The following FAM3C variants were observed in gnomAD, a reference collection of about 807,000 sequenced individuals.
FAM3C encodes FAM3 metabolism regulating signaling molecule C.
FAM3C carries 15 observed loss-of-function variants against 32.5 expected under a neutral mutation model. That is an observed-to-expected ratio of 0.46 (90% CI 0.31 to 0.71). The LOEUF (loss-of-function observed/expected upper bound fraction) is 0.71. FAM3C is among the 30% of genes least tolerant of loss of function. The pLI, the probability that FAM3C is intolerant of heterozygous loss-of-function variation, is 0.05. For missense variants in FAM3C, 175 were observed against 274.4 expected, an observed-to-expected ratio of 0.64 and a Z score of 2.56; for synonymous variants, 75 against 86.1, an observed-to-expected ratio of 0.87 and a Z score of 0.72.
At position 121,382,991 on chromosome 7, in the gene FAM3C, C is replaced by A. The variant is rs577300415; in HGVS notation, c.-22G>T. 7 of 1,593,030 alleles carry A rather than the reference C, an allele frequency of 4.4e-6. No individual in the cohort carries two copies. In the Admixed American group the frequency reaches 1.2e-4, roughly 27 times the overall value. On this transcript the variant is annotated 5_prime_UTR_variant, in exon 2 of 10. Coordinates refer to ENST00000359943, the MANE Select transcript of FAM3C (RefSeq NM_014888.3). The stretch of plus-strand genomic sequence containing the variant: ...TCATGTTTGGTTTTTCAGTTTATGG[C>A]ACTTTTCATTAATATGCTCCTAAAA...
chr7:121,370,835 T>C (rs1321887476), intron 5 of FAM3C, among the ~76,000 whole-genome samples: 1 of 152,230 alleles, frequency 6.6e-6, no homozygotes, highest in African/African-American at 2.4e-5. Flanking sequence ...GCAAATAGGA[T>C]TTCTGCCACG....
chr7:121,386,640 T>C (rs934969642), intron 1 of FAM3C, among the ~76,000 whole-genome samples: 1 of 151,618 alleles, frequency 6.6e-6, no homozygotes, highest in East Asian at 1.9e-4. Context: ...TTATAAGGAA[T>C]ATATGTCTAT....
chr7:121,380,330 CACAA>C (rs1013304092), intron 2 of FAM3C: 11 of 152,018 alleles, frequency 7.2e-5, no homozygotes, highest in African/African-American at 2.7e-4. Flanking sequence ...AAGACGATAA[CACAA>C]ACATTCTAAA....
At chr7:121,396,086 GC>G (rs1794690240) in intron 1 of FAM3C, 75 bp downstream of exon 1, 1 of 151,872 alleles carries the variant, frequency 6.6e-6, no homozygotes, top group African/African-American at 2.4e-5. Context: ...TCGTAGGTGG[GC>G]GTCTGGCTTC....
intron 5 of FAM3C, among the ~76,000 whole-genome samples, chr7:121,365,063 T>C (rs985054868): frequency 1.3e-5 from 2 of 152,132 alleles, no homozygotes; most frequent in Non-Finnish European, 2.9e-5. Context: ...CAGAATTATA[T>C]ATACACATAG....
At chr7:121,354,865 CTTCCAGAAAAA>C (rs1793778091) in intron 8 of FAM3C, among the ~76,000 whole-genome samples, 1 of 152,088 alleles carries the variant, frequency 6.6e-6, no homozygotes, top group South Asian at 2.1e-4. Flanking sequence ...ATTGCTAACA[CTTCCAGAAAAA>C]AATGGAGCAT....
intron 1 of FAM3C, among the ~76,000 whole-genome samples, chr7:121,391,296 T>C (rs554319072): frequency 1.3e-5 from 2 of 152,268 alleles, no homozygotes; most frequent in East Asian, 3.9e-4. Context: ...CTAAGCTACC[T>C]TAATCCTATA....
In FAM3C at chr7:121,378,850, T is replaced by A. The variant is rs1435229768; in HGVS notation, c.118+60A>T. On this transcript the variant is annotated intron_variant, in intron 3 of 9. Transcript: ENST00000359943. ...CACTGAGTGACTCAGTGCTGATAAC[T>A]GATAAAACTTTAGGCCACATCAAAA... 4 of 826,988 alleles carry A rather than the reference T, an allele frequency of 4.8e-6. No individual in the cohort carries two copies. The African/African-American group carries it at 7.0e-5, about 15-fold the overall frequency. 51.2% of individuals were successfully genotyped at this position (826,988 alleles called of 1,614,324 possible).
intron 8 of FAM3C, among the ~76,000 whole-genome samples, chr7:121,358,420 C>T (rs1033029954): frequency 6.6e-6 from 1 of 151,906 alleles, no homozygotes; most frequent in African/African-American, 2.4e-5. Flanking sequence ...CTTGATAAGT[C>T]ATCTGAAGAA....
In FAM3C at chr7:121,376,049, T is replaced by A. The variant is rs565256057; in HGVS notation, c.118+2861A>T. ...AGAGCAACATGGAACGAGTCCTCTA[T>A]GCCTTCAATATGGTTTCCACCCCAT... On this transcript the variant is annotated intron_variant, in intron 3 of 9. Coordinates refer to ENST00000359943, the MANE Select transcript of FAM3C (RefSeq NM_014888.3). Among the ~76,000 whole-genome samples, 51 of 152,356 alleles carry A rather than the reference T, an allele frequency of 3.3e-4. No individual in the cohort carries two copies. The South Asian group carries it at 9.7e-3, about 29-fold the overall frequency.
intron 2 of FAM3C, 102 bp from the exon 3 acceptor site, chr7:121,379,116 T>C (rs1794299477): frequency 3.0e-6 from 2 of 659,638 alleles, no homozygotes; most frequent in African/African-American, 1.9e-5. Context: ...TCAATACATT[T>C]CTACTTTGTA....
At chr7:121,386,579 C>T (rs56835233) in intron 1 of FAM3C, among the ~76,000 whole-genome samples, 2,850 of 151,778 alleles carry the variant, frequency 0.019, 100 homozygotes, top group African/African-American at 0.065. Context: ...CACACAAACA[C>T]GCACATACAA....
chr7:121,369,361 T>A (rs1314670683), intron 5 of FAM3C, among the ~76,000 whole-genome samples: 1 of 152,154 alleles, frequency 6.6e-6, no homozygotes, highest in Non-Finnish European at 1.5e-5. Context: ...ACAGGAGGGA[T>A]TATGCTCAAA....
intron 5 of FAM3C, 139 bp from the exon 6 acceptor site, chr7:121,364,327 T>C (rs1274206022): frequency 1.6e-6 from 1 of 619,752 alleles, no homozygotes; most frequent in Non-Finnish European, 2.9e-6. Flanking sequence ...ATTAAAAAGA[T>C]CTCTACTAAG....
chr7:121,396,017 A>G (rs1794687432), intron 1 of FAM3C, 145 bp downstream of exon 1: 1 of 150,868 alleles, frequency 6.6e-6, no homozygotes, highest in Non-Finnish European at 1.5e-5. Flanking sequence ...ACGCCGTGAC[A>G]ACGCGGCCGG....
chr7:121,373,792 G>A (rs551577000), intron 3 of FAM3C, among the ~76,000 whole-genome samples: 3 of 152,108 alleles, frequency 2.0e-5, no homozygotes, highest in South Asian at 2.1e-4. Context: ...AGAGGCTGAG[G>A]CGGGTGGATC....
At chr7:121,369,187 GC>G (rs1366319190) in intron 5 of FAM3C, among the ~76,000 whole-genome samples, 1 of 151,804 alleles carries the variant, frequency 6.6e-6, no homozygotes, top group Non-Finnish European at 1.5e-5. Flanking sequence ...CACCATGTTG[GC>G]CAGGCTGGTC....
chr7:121,364,796 A>AG (rs1404432168), intron 5 of FAM3C, among the ~76,000 whole-genome samples: 1 of 152,104 alleles, frequency 6.6e-6, no homozygotes, highest in East Asian at 1.9e-4. Context: ...CAGCTCACAG[A>AG]CCACTATATA....
intron 5 of FAM3C, among the ~76,000 whole-genome samples, chr7:121,364,910 A>G (rs1793996530): frequency 6.6e-6 from 1 of 152,150 alleles, no homozygotes. Context: ...TAAAATTGTG[A>G]GTTCTTTTAA....
Sources: gnomAD v4.1 joint callset for allele counts (sites outside exome capture counted in the v4.1 genomes callset) on GRCh38, gnomAD v4.1.1 for gene constraint, MANE v1.5 for transcripts, NCBI Gene and HGNC (gene_info 2026-07-23, HGNC 2026-07-21) for gene names.